The following CEP152 variants were observed in gnomAD, a reference collection of about 807,000 sequenced individuals.
CEP152 encodes the protein centrosomal protein 152, also known as centrosomal protein of 152 kDa.
In CEP152, 132 loss-of-function variants were observed where a neutral mutation model predicts 188.9. The observed-to-expected ratio is 0.70, with a 90% CI of 0.61 to 0.81. The LOEUF (loss-of-function observed/expected upper bound fraction) is 0.81. Ranked by LOEUF, CEP152 falls within the 30% of genes least tolerant of loss-of-function variation. CEP152 has a pLI of 0.00. For synonymous variants in CEP152, 649 were observed against 666.6 expected (o/e 0.97, Z 0.41); for missense variants, 1,914 against 1,969.8 (o/e 0.97, Z 0.54).
downstream of CEP152, among the ~76,000 whole-genome samples, chr15:48,736,007 T>C (rs1387662647): frequency 3.3e-5 from 5 of 152,200 alleles, no homozygotes; most frequent in African/African-American, 4.8e-5. Flanking sequence ...GAGAATACTA[T>C]GGCTAACTGT....
chr15:48,793,514 T>G, intron 6 of CEP152, 53 bp from the exon 7 acceptor site: 1 of 1,523,312 alleles, frequency 6.6e-7, no homozygotes, highest in Non-Finnish European at 9.0e-7. Flanking sequence ...TATAAATTTA[T>G]AGTCATTTAA....
At position 48,738,957 on chromosome 15, in the gene CEP152, C is replaced by T. The variant is rs370000548; in HGVS notation, c.4425G>A (p.Leu1475=). The T allele has an allele frequency of 1.9e-4, 314 of 1,613,840 alleles. 1 individual carries two copies. Among genetic ancestry groups the T allele is most frequent in the Non-Finnish European group, 2.5e-4 (297 of 1,179,902 alleles). ...CACTGAGTAGGTCTTTCTTCTTGTG[C>T]AAACCAAAGCCTCCTTCACCTTCAC... is the stretch of plus-strand genomic sequence containing the variant. ...VPCEGEGGFG[L]HKKKDLLSDN... Residue 1475 remains leucine (L), a synonymous_variant, in exon 27 of 27, where the codon TTG becomes TTA. Coordinates refer to ENST00000380950, the MANE Select transcript of CEP152 (RefSeq NM_001194998.2).
chr15:48,808,061 G>A (rs1898099966), intron 1 of CEP152, among the ~76,000 whole-genome samples: 1 of 151,880 alleles, frequency 6.6e-6, no homozygotes, highest in Admixed American at 6.5e-5. Context: ...AACTATAAAA[G>A]ACTTTAAGAA....
intron 10 of CEP152, among the ~76,000 whole-genome samples, chr15:48,782,700 C>A (rs1170000514): frequency 6.6e-6 from 1 of 152,164 alleles, no homozygotes; most frequent in East Asian, 1.9e-4. Context: ...GGTTATAATT[C>A]TGAAACTTTA....
At chr15:48,749,042 A>G (rs1893684631) in intron 21 of CEP152, among the ~76,000 whole-genome samples, 1 of 152,142 alleles carries the variant, frequency 6.6e-6, no homozygotes. Flanking sequence ...GCATGTCACA[A>G]GGACATAGGA....
chr15:48,742,124 C>T, intron 24 of CEP152, 24 bp from the exon 25 acceptor site: 1 of 1,611,214 alleles, frequency 6.2e-7, no homozygotes, highest in Non-Finnish European at 8.5e-7. Flanking sequence ...AGAAAATGCC[C>T]ACAGAATGTA....
intron 12 of CEP152, among the ~76,000 whole-genome samples, chr15:48,776,484 C>G (rs1330143079): frequency 6.6e-6 from 1 of 152,052 alleles, no homozygotes; most frequent in African/African-American, 2.4e-5. Flanking sequence ...TAAGTGCACA[C>G]CCTCTAGCAA....
chr15:48,739,202 T>C lies in CEP152; in HGVS notation c.4180A>G (p.Ser1394Gly). Residue 1394 changes from serine to glycine, a missense_variant, in exon 27 of 27, where the codon AGC (serine) becomes GGC (glycine). Ser to Gly is a moderately conservative substitution (Grantham distance 56). Transcript: ENST00000380950. ...VNQKIPCCIESKSNSVNTITR... is the reference protein window; with the variant it reads ...VNQKIPCCIEGKSNSVNTITR... ...ATGGTGTTTACACTATTTGATTTGC[T>C]TTCAATACAACATGGTATTTTCTGA... 2 of 1,613,670 alleles carry C rather than the reference T, an allele frequency of 1.2e-6. No homozygotes were observed. The highest frequency in any genetic ancestry group is 1.7e-6 in the Non-Finnish European group (2 of 1,179,900).
At chr15:48,786,722 G>A (rs531818117) in intron 9 of CEP152, among the ~76,000 whole-genome samples, 2 of 152,104 alleles carry the variant, frequency 1.3e-5, no homozygotes, top group African/African-American at 4.8e-5. Flanking sequence ...GGCAAAGAAC[G>A]TAACAGTGGG....
rs187389283 is a variant in CEP152 at position 48,811,031 on chromosome 15, C to T, written c.-78G>A. 3 of 152,522 alleles carry T rather than the reference C, an allele frequency of 2.0e-5. No homozygotes were observed. The highest frequency in any genetic ancestry group is 2.0e-4 in the Admixed American group (3 of 15,308). The allele number at this position is 152,522 out of a possible 1,614,324, so 9.4% of individuals were successfully genotyped here. ...GGAAGACCAACTTCTAGCAGATCCC[C>T]TTACCCTGGCTCTAGTCCACTAGCT... On this transcript the variant is annotated 5_prime_UTR_variant, in exon 1 of 27. Transcript: ENST00000380950.
At chr15:48,745,764 T>G (rs747685847) in intron 22 of CEP152, among the ~76,000 whole-genome samples, 4 of 152,188 alleles carry the variant, frequency 2.6e-5, no homozygotes, top group Non-Finnish European at 4.4e-5. Context: ...CACATGAATT[T>G]CAGAGTCAGA....
At position 48,788,913 on chromosome 15, in the gene CEP152, C is replaced by T. The variant is rs375806576; in HGVS notation, c.1061G>A (p.Arg354Gln). 12 of 1,614,006 alleles carry T rather than the reference C, an allele frequency of 7.4e-6. No homozygotes were observed. Among genetic ancestry groups the T allele is most frequent in the African/African-American group, 2.7e-5 (2 of 74,902 alleles). The change falls in exon 9 of 27, where the codon CGA becomes CAA. Residue 354 changes from arginine to glutamine, a missense_variant. Coordinates refer to ENST00000380950, the MANE Select transcript of CEP152 (RefSeq NM_001194998.2). ...VDLHHSESLQ[R>Q]AREQHESIVM... ...AATGCTCTCATGCTGTTCTCTAGCT[C>T]GTTGAAGTGATTCAGAATGATGAAG...
At chr15:48,731,180 A>C (rs879937270) in intron 2 of CEP152, among the ~76,000 whole-genome samples, 30 of 152,376 alleles carry the variant, frequency 2.0e-4, no homozygotes, top group Admixed American at 1.4e-3. Context: ...TAGTTACTCA[A>C]GATGAAAACG....
chr15:48,755,004 C>G (rs1196478019), intron 20 of CEP152, among the ~76,000 whole-genome samples: 1 of 150,342 alleles, frequency 6.7e-6, no homozygotes, highest in African/African-American at 2.4e-5. Context: ...TTAGACAAAC[C>G]TTATAATACT....
At chr15:48,764,729 C>T (rs1055275188) in intron 17 of CEP152, among the ~76,000 whole-genome samples, 1 of 152,128 alleles carries the variant, frequency 6.6e-6, no homozygotes, top group Non-Finnish European at 1.5e-5. Flanking sequence ...CTACTAAAAG[C>T]TTTAAAACTT....
At chr15:48,796,199 T>G in intron 5 of CEP152, 39 bp from the exon 6 acceptor site, 1 of 1,610,336 alleles carries the variant, frequency 6.2e-7, no homozygotes, top group Non-Finnish European at 8.5e-7. Context: ...AGATTTGGCC[T>G]TTTCTTCCAA....
At position 48,756,508 on chromosome 15, in the gene CEP152, G is replaced by C. The variant is rs16961560; in HGVS notation, c.2740C>G (p.Leu914Val). Residue 914 changes from leucine to valine, a missense_variant, in exon 20 of 27, where the codon CTT becomes GTT. Transcript: ENST00000380950. ...AGTATATTTTTCCTCATATTTTCAA[G>C]CTCACTCTTCCATTTCTCTTTAGCT... ...SEAKEKWKSE[L>V]ENMRKNILPG... The C allele has an allele frequency of 0.076, 122,294 of 1,609,732 alleles. 5,103 individuals are homozygous for C. Among genetic ancestry groups the C allele is most frequent in the Non-Finnish European group, 0.08 (94,626 of 1,179,542 alleles).
Position 48,805,674 on chromosome 15 carries a change from T to C in CEP152, c.-7-18A>G. ...TGGTCCTCCTGTGGGAAGGGAAAGA[T>C]GTTTGGTTTCTGGACACCACATAAA... On this transcript the variant is annotated intron_variant, in intron 1 of 26. Coordinates refer to ENST00000380950, the MANE Select transcript of CEP152 (RefSeq NM_001194998.2). 9 of 1,613,216 alleles carry C rather than the reference T, an allele frequency of 5.6e-6. No individual in the cohort carries two copies. The highest frequency in any genetic ancestry group is 7.6e-6 in the Non-Finnish European group (9 of 1,179,556).
intron 11 of CEP152, 69 bp from the exon 12 acceptor site, chr15:48,781,428 C>T: frequency 7.3e-7 from 1 of 1,362,874 alleles, no homozygotes; most frequent in Non-Finnish European, 1.0e-6. Context: ...CATTCTGTTT[C>T]AAAATTTGTT....
Sources: gnomAD v4.1 joint callset for allele counts (sites outside exome capture counted in the v4.1 genomes callset) on GRCh38, gnomAD v4.1.1 for gene constraint, MANE v1.5 for transcripts, NCBI Gene and HGNC (gene_info 2026-07-23, HGNC 2026-07-21) for gene names.